The following RBL1 variants were observed in gnomAD, a reference collection of about 807,000 sequenced individuals.
The protein encoded by RBL1 is retinoblastoma-like protein 1.
Under a neutral mutation model 123.0 loss-of-function variants are expected in RBL1, and 82 were observed. The ratio of observed to expected loss-of-function variants is 0.67; its 90% CI spans 0.56 to 0.80. The LOEUF is 0.80. Ranked by LOEUF, RBL1 falls within the 30% of genes least tolerant of loss-of-function variation. RBL1 has a pLI of 0.00. For missense variants in RBL1, 1,171 were observed against 1,299.6 expected (o/e 0.90, Z 1.52); for synonymous variants, 405 against 441.3 (o/e 0.92, Z 1.03).
Position 36,998,718 on chromosome 20 carries a change from A to G in RBL1, c.*41T>C. ...AGGACAGAGCTCCAACTTTCTGCAG[A>G]ACAATCTGAAAGTGCTTTTATCATA... is the stretch of plus-strand genomic sequence containing the variant. On this transcript the variant is annotated 3_prime_UTR_variant, in exon 22 of 22. Coordinates refer to ENST00000373664, the MANE Select transcript of RBL1 (RefSeq NM_002895.5). 1 of 1,544,402 alleles carries G rather than the reference A, an allele frequency of 6.5e-7. No homozygotes were observed. The highest frequency in any genetic ancestry group is 1.4e-5 in the African/African-American group (1 of 73,290).
chr20:37,045,239 T>C (rs2064802428), intron 12 of RBL1, among the ~76,000 whole-genome samples: 2 of 152,018 alleles, frequency 1.3e-5, no homozygotes, highest in Non-Finnish European at 2.9e-5. Flanking sequence ...CCCGGGTAGC[T>C]GGGACTACAG....
At chr20:37,047,997 AAAAC>A (rs749942632) in intron 11 of RBL1, among the ~76,000 whole-genome samples, 9 of 152,264 alleles carry the variant, frequency 5.9e-5, no homozygotes, top group East Asian at 3.9e-4. Context: ...ACAAAAAACT[AAAAC>A]AAACAAACAA....
chr20:37,094,758 T>C (rs1410395974), intron 1 of RBL1, among the ~76,000 whole-genome samples: 1 of 152,174 alleles, frequency 6.6e-6, no homozygotes, highest in African/African-American at 2.4e-5. Flanking sequence ...TGCCTCAGCC[T>C]CCCGAGTAGC....
chr20:37,039,120 A>G (rs2064680186), intron 14 of RBL1, among the ~76,000 whole-genome samples: 1 of 152,208 alleles, frequency 6.6e-6, no homozygotes, highest in Admixed American at 6.5e-5. Flanking sequence ...TACACACATC[A>G]GCTCGCTACA....
intron 20 of RBL1, among the ~76,000 whole-genome samples, chr20:37,006,838 C>CAAAA (rs199689934): frequency 1.4e-5 from 1 of 71,694 alleles, no homozygotes. Context: ...GAGACTGTCT[C>CAAAA]AAAAAAAAAA....
chr20:37,000,889 A>T, intron 21 of RBL1, among the ~76,000 whole-genome samples: 2 of 134,650 alleles, frequency 1.5e-5, no homozygotes, highest in Non-Finnish European at 3.2e-5. Context: ...CCCGTCCAGG[A>T]GGGAGGTGGG....
chr20:37,018,252 TATA>T, intron 19 of RBL1, 24 bp downstream of exon 19: 1 of 1,587,774 alleles, frequency 6.3e-7, no homozygotes. Context: ...GTGTTTTACA[TATA>T]ATATGTTAAA....
intron 9 of RBL1, among the ~76,000 whole-genome samples, chr20:37,058,969 A>G (rs2065055029): frequency 6.6e-6 from 1 of 152,136 alleles, no homozygotes; most frequent in Non-Finnish European, 1.5e-5. Context: ...CCTGGGCTCA[A>G]CTGATCCTCT....
chr20:37,087,824 G>T (rs1394291862), intron 2 of RBL1, among the ~76,000 whole-genome samples: 3 of 152,216 alleles, frequency 2.0e-5, no homozygotes, highest in Non-Finnish European at 2.9e-5. Flanking sequence ...AACAGAGTTA[G>T]CAGGTTAAAT....
chr20:37,014,442 C>T (rs1188075263), intron 19 of RBL1, among the ~76,000 whole-genome samples: 2 of 152,134 alleles, frequency 1.3e-5, no homozygotes, highest in African/African-American at 4.8e-5. Flanking sequence ...TGTGCCACCA[C>T]CACTGTACAG....
At chr20:37,012,902 CCGGG>C (rs2064184974) in intron 19 of RBL1, among the ~76,000 whole-genome samples, 4 of 148,288 alleles carry the variant, frequency 2.7e-5, no homozygotes, top group Non-Finnish European at 6.0e-5. Flanking sequence ...GCCGCCCCGT[CCGGG>C]AGGGAGGTGG....
At chr20:37,009,244 G>A (rs887506717) in intron 19 of RBL1, among the ~76,000 whole-genome samples, 4 of 151,894 alleles carry the variant, frequency 2.6e-5, no homozygotes, top group Admixed American at 1.3e-4. Flanking sequence ...GGCTGGTCTC[G>A]AACTCCTGAC....
At chr20:37,000,803 C>A (rs1394800592) in intron 21 of RBL1, among the ~76,000 whole-genome samples, 1 of 140,362 alleles carries the variant, frequency 7.1e-6, no homozygotes, top group Non-Finnish European at 1.6e-5. Flanking sequence ...CCAGCCGCCC[C>A]GTCCGGGAGG....
At chr20:37,078,302 A>G (rs2065396208) in intron 2 of RBL1, among the ~76,000 whole-genome samples, 1 of 152,172 alleles carries the variant, frequency 6.6e-6, no homozygotes, top group African/African-American at 2.4e-5. Flanking sequence ...TTACGTGAAT[A>G]TTCTGTTCTT....
chr20:37,027,836 C>T (rs1327741151), intron 16 of RBL1, among the ~76,000 whole-genome samples: 1 of 152,166 alleles, frequency 6.6e-6, no homozygotes, highest in Non-Finnish European at 1.5e-5. Context: ...CTCACTGCAG[C>T]CTCGAAATCA....
intron 2 of RBL1, among the ~76,000 whole-genome samples, chr20:37,075,165 T>C (rs1236359739): frequency 6.6e-6 from 1 of 152,162 alleles, no homozygotes; most frequent in Non-Finnish European, 1.5e-5. Flanking sequence ...GAAAACTCTA[T>C]AGAGACAGAA....
chr20:37,040,002 G>C lies in RBL1; in HGVS notation c.1903+151C>G, dbSNP rs2064693694. 7 of 872,806 alleles carry C rather than the reference G, an allele frequency of 8.0e-6. No homozygotes were observed. In the South Asian group the frequency reaches 9.6e-5, roughly 12 times the overall value. 54.1% of individuals were successfully genotyped at this position (872,806 alleles called of 1,614,324 possible). A position where few individuals can be genotyped will look rare whatever the true frequency, so the allele number is the denominator to read the frequency against. ...AATATAGTGTACAATGAGCTACACAGGGGTGCTGGCACAAGCATCAAGCTC... is the reference window on the plus strand; with the variant it reads ...AATATAGTGTACAATGAGCTACACACGGGTGCTGGCACAAGCATCAAGCTC... On this transcript the variant is annotated intron_variant, in intron 14 of 21. Transcript: ENST00000373664.
At position 36,998,462 on chromosome 20, in the gene RBL1, G is replaced by A; in HGVS notation, c.*297C>T. The A allele has an allele frequency of 4.4e-6, 1 of 227,618 alleles. No homozygotes were observed. Among genetic ancestry groups the A allele is most frequent in the Non-Finnish European group, 8.6e-6 (1 of 115,704 alleles). 14.1% of individuals were successfully genotyped at this position (227,618 alleles called of 1,614,324 possible). ...TGGTCTCGAACTCCTGACCTCCGGT[G>A]ATCTGCCCGCCTTGGCCTCCCAAAG... On this transcript the variant is annotated 3_prime_UTR_variant, in exon 22 of 22. Coordinates refer to ENST00000373664, the MANE Select transcript of RBL1 (RefSeq NM_002895.5).
intron 19 of RBL1, among the ~76,000 whole-genome samples, chr20:37,017,473 T>G (rs566420412): frequency 6.6e-6 from 1 of 152,080 alleles, no homozygotes; most frequent in African/African-American, 2.4e-5. Context: ...AAGAGGTGTA[T>G]GAATACTAAC....
Sources: allele counts gnomAD v4.1 joint callset (sites outside exome capture counted in the v4.1 genomes callset), GRCh38; gene constraint gnomAD v4.1.1; transcripts MANE v1.5; gene names NCBI Gene and HGNC (gene_info 2026-07-23, HGNC 2026-07-21).